The following TNIP1 variants were observed in gnomAD, a reference collection of about 807,000 sequenced individuals.
The protein encoded by TNIP1 is TNFAIP3-interacting protein 1.
In TNIP1, 22 loss-of-function variants were observed where a neutral mutation model predicts 86.6. The observed-to-expected ratio is 0.25, with a 90% CI of 0.18 to 0.36. TNIP1 has a LOEUF of 0.36. Among genes scored for constraint, TNIP1 ranks in the 10% least tolerant of loss-of-function variants. The pLI, the probability that TNIP1 is intolerant of heterozygous loss-of-function variation, is 1.00. For synonymous variants in TNIP1, 294 were observed against 313.0 expected, an observed-to-expected ratio of 0.94 and a Z score of 0.64; for missense variants, 709 against 820.6, an observed-to-expected ratio of 0.86 and a Z score of 1.66.
intron 8 of TNIP1, among the ~76,000 whole-genome samples, chr5:151,047,314 G>A (rs1335147077): frequency 3.3e-5 from 5 of 152,278 alleles, no homozygotes; most frequent in South Asian, 2.1e-4. Flanking sequence ...GGCCTCAATC[G>A]TGACAGCAAA....
chr5:151,036,676 C>CAGA, intron 13 of TNIP1, 114 bp downstream of exon 13: 1 of 1,533,382 alleles, frequency 6.5e-7, no homozygotes, highest in South Asian at 1.2e-5. Flanking sequence ...GGCCAATGGC[C>CAGA]AGAAAGTGGA....
rs187692641 is a variant in TNIP1, at chr5:151,032,236, T to C, written c.1876+51A>G. The C allele has an allele frequency of 9.6e-5, 142 of 1,478,502 alleles. 2 individuals carry two copies. In the East Asian group the frequency reaches 2.2e-3, roughly 23 times the overall value. 91.6% of individuals were successfully genotyped at this position (1,478,502 alleles called of 1,614,324 possible). On this transcript the variant is annotated intron_variant, in intron 17 of 17. Transcript: ENST00000521591. Reference sequence around the variant, plus strand: ...CCCAAACTCAGGCAATGCTGGCAGATAAGATATTATCTCCCCCAGGGAGGA... The same window carrying C: ...CCCAAACTCAGGCAATGCTGGCAGACAAGATATTATCTCCCCCAGGGAGGA...
rs1554076799 is a variant in TNIP1 at position 151,060,347 on chromosome 5, G to C, written c.406C>G (p.Pro136Ala). ...EVVTPEEQNS[P>A]ESSSHANAMA... is the part of the protein sequence containing the mutation. ...GCATTGGCATGGCTGCTGCTCTCTGGTGAATTCTGCTCCTCAGGAGTGACC... is the reference window on the plus strand; with the variant it reads ...GCATTGGCATGGCTGCTGCTCTCTGCTGAATTCTGCTCCTCAGGAGTGACC... Residue 136 changes from proline to alanine, a missense_variant, in exon 5 of 18, where the codon CCA becomes GCA. Pro to Ala is a conservative substitution (Grantham distance 27). Coordinates refer to ENST00000521591, the MANE Select transcript of TNIP1 (RefSeq NM_006058.5). The C allele has an allele frequency of 6.2e-7, 1 of 1,614,092 alleles. No homozygotes were observed. The highest frequency in any genetic ancestry group is 1.1e-5 in the South Asian group (1 of 91,086).
upstream of TNIP1, among the ~76,000 whole-genome samples, chr5:151,083,500 G>A (rs969321231): frequency 1.3e-4 from 20 of 152,334 alleles, no homozygotes; most frequent in African/African-American, 4.1e-4. Context: ...CTACCCTGTG[G>A]TCTGGAAGGG....
upstream of TNIP1, among the ~76,000 whole-genome samples, chr5:151,082,101 G>A (rs1561552409): frequency 2.0e-5 from 3 of 152,212 alleles, no homozygotes; most frequent in South Asian, 6.2e-4. Context: ...TTGGGGAACT[G>A]TTTAATACAC....
chr5:151,035,200 C>T (rs1484550881), intron 14 of TNIP1, 133 bp from the exon 15 acceptor site: 2 of 1,045,772 alleles, frequency 1.9e-6, no homozygotes, highest in Non-Finnish European at 2.8e-6. Flanking sequence ...TGGGCCAGCC[C>T]CGGGAAAGGG....
At chr5:151,064,825 G>C in intron 2 of TNIP1, 135 bp downstream of exon 2, 1 of 1,289,852 alleles carries the variant, frequency 7.8e-7, no homozygotes, top group Non-Finnish European at 1.1e-6. Context: ...GCAGGAGCCA[G>C]CGCTGGGCCA....
intron 5 of TNIP1, among the ~76,000 whole-genome samples, chr5:151,058,071 C>A (rs1311440157): frequency 6.6e-6 from 1 of 152,186 alleles, no homozygotes; most frequent in Non-Finnish European, 1.5e-5. Flanking sequence ...CAGGTGTGCA[C>A]CACTACACCA....
At chr5:151,032,442 T>C (rs1478991950) in intron 16 of TNIP1, 59 bp from the exon 17 acceptor site, 2 of 1,509,906 alleles carry the variant, frequency 1.3e-6, no homozygotes, top group Admixed American at 1.8e-5. Flanking sequence ...CAATAGCACC[T>C]ACTGTGCCAG....
At chr5:151,044,375 AT>A (rs1273840266) in intron 9 of TNIP1, among the ~76,000 whole-genome samples, 1 of 152,164 alleles carries the variant, frequency 6.6e-6, no homozygotes, top group Non-Finnish European at 1.5e-5. Flanking sequence ...AGAAAAAATA[AT>A]CTGTAAAGCA....
In TNIP1 at chr5:151,065,274, C is replaced by T; in HGVS notation, c.-36-143G>A. The T allele has an allele frequency of 1.0e-5, 7 of 669,306 alleles. No individual in the cohort carries two copies. In the South Asian group the frequency reaches 1.4e-4, roughly 13 times the overall value. 41.5% of individuals were successfully genotyped at this position (669,306 alleles called of 1,614,324 possible). On this transcript the variant is annotated intron_variant, in intron 1 of 17. Coordinates refer to ENST00000521591, the MANE Select transcript of TNIP1 (RefSeq NM_006058.5). ...CCATATTATAGTAAAGCAGGACAGT[C>T]ACCTCCTTTTATCTGGACGCTCTGC... is the stretch of plus-strand genomic sequence containing the variant.
Position 151,042,979 on chromosome 5 carries a change from A to C in TNIP1, c.937-18T>G. Reference sequence around the variant, plus strand: ...TCCAGCAGCTGTGGGGAGAGACTGGAGTTAGCAGGAGATGAGCAGAGAAGG... The same window carrying C: ...TCCAGCAGCTGTGGGGAGAGACTGGCGTTAGCAGGAGATGAGCAGAGAAGG... On this transcript the variant is annotated intron_variant, in intron 9 of 17. Coordinates refer to ENST00000521591, the MANE Select transcript of TNIP1 (RefSeq NM_006058.5). The C allele has an allele frequency of 3.1e-6, 5 of 1,613,942 alleles. No homozygotes were observed. The highest frequency in any genetic ancestry group is 4.2e-6 in the Non-Finnish European group (5 of 1,179,886).
At chr5:151,059,860 TGTGTGTGC>T (rs879584510) in intron 5 of TNIP1, among the ~76,000 whole-genome samples, 198 of 97,326 alleles carry the variant, frequency 2.0e-3, no homozygotes, top group East Asian at 6.5e-3. Context: ...TGTGTGTGTG[TGTGTGTGC>T]GCGCGCGCGC....
intron 1 of TNIP1, among the ~76,000 whole-genome samples, chr5:151,072,664 GC>G (rs1040237532): frequency 1.3e-5 from 2 of 151,990 alleles, no homozygotes. Context: ...CATAGGGACT[GC>G]CCCCCCTCCA....
At position 151,063,750 on chromosome 5, in the gene TNIP1, A is replaced by G. The variant is rs1461421939; in HGVS notation, c.137-3T>C. On this transcript the variant is annotated splice_region_variant and splice_polypyrimidine_tract_variant and intron_variant, in intron 2 of 17. Coordinates refer to ENST00000521591, the MANE Select transcript of TNIP1 (RefSeq NM_006058.5). ...CTGGGACTCTTCCAAAAGCTCCCCT[A>G]GAGTTATTGGGGAAGAGGAAGCAAA... 1 of 1,612,560 alleles carries G rather than the reference A, an allele frequency of 6.2e-7. No homozygotes were observed. Among genetic ancestry groups the G allele is most frequent in the Non-Finnish European group, 8.5e-7 (1 of 1,178,864 alleles).
chr5:151,061,987 G>A (rs759484383), intron 4 of TNIP1, 140 bp downstream of exon 4: 12 of 742,636 alleles, frequency 1.6e-5, no homozygotes, highest in African/African-American at 3.6e-5. Context: ...GAGAGTTTGC[G>A]ATGGACTTGC....
intron 7 of TNIP1, among the ~76,000 whole-genome samples, chr5:151,050,450 T>C (rs1210149021): frequency 2.6e-5 from 4 of 152,252 alleles, no homozygotes; most frequent in African/African-American, 9.6e-5. Flanking sequence ...ACTTTCATTG[T>C]ATTTAGAGTT....
chr5:151,045,256 T>C (rs1469455804), intron 9 of TNIP1, among the ~76,000 whole-genome samples: 5 of 152,080 alleles, frequency 3.3e-5, no homozygotes, highest in Non-Finnish European at 7.4e-5. Context: ...TGCCCGCTAA[T>C]TTTTTGTATT....
chr5:151,036,209 G>A (rs184622754), intron 13 of TNIP1, among the ~76,000 whole-genome samples: 5 of 152,308 alleles, frequency 3.3e-5, no homozygotes, highest in African/African-American at 1.2e-4. Context: ...GTTCAAGGCA[G>A]TTTAGGAGGA....
Sources: gnomAD v4.1 joint callset for allele counts (sites outside exome capture counted in the v4.1 genomes callset) on GRCh38, gnomAD v4.1.1 for gene constraint, MANE v1.5 for transcripts, NCBI Gene and HGNC (gene_info 2026-07-23, HGNC 2026-07-21) for gene names.